FRMD5: variants seen among roughly 807,000 people sequenced by gnomAD.
The protein encoded by FRMD5 is FERM domain containing 5.
Under a neutral mutation model 69.0 loss-of-function variants are expected in FRMD5, and 20 were observed. That is an observed-to-expected ratio of 0.29 (90% CI 0.20 to 0.42). The LOEUF is 0.42. Ranked by LOEUF, FRMD5 falls within the 10% of genes least tolerant of loss-of-function variation. The pLI, the probability that FRMD5 is intolerant of heterozygous loss-of-function variation, is 1.00. For synonymous variants in FRMD5, 271 were observed against 260.1 expected, an observed-to-expected ratio of 1.04 and a Z score of -0.40; for missense variants, 595 against 708.6, an observed-to-expected ratio of 0.84 and a Z score of 1.82.
At chr15:43,893,567 G>C (rs1399564810) in intron 7 of FRMD5, among the ~76,000 whole-genome samples, 2 of 152,226 alleles carry the variant, frequency 1.3e-5, no homozygotes, top group African/African-American at 4.8e-5. Context: ...TGGAGAGGGT[G>C]TAAGTGTGTT....
rs1281679162 is a variant in FRMD5 at position 43,909,935 on chromosome 15, C to T, written c.374G>A (p.Arg125Gln). Residue 125 changes from arginine to glutamine, a missense_variant, in exon 5 of 14, where the codon CGA becomes CAA. By Grantham distance (43) the Arg-to-Gln change is conservative (BLOSUM62 1). This residue lies in a region of FRMD5 where 79 missense variants were observed against 139.9 expected (regional missense o/e 0.56). Coordinates refer to ENST00000417257, the MANE Select transcript of FRMD5 (RefSeq NM_032892.5). The stretch of plus-strand genomic sequence containing the variant: ...AGCATCCGATGTTTTACAGAGGAGT[C>T]GGCCATGGTAGAGATCCCTTTTGAT... ...LQIKRDLYHG[R>Q]LLCKTSDAAL... 2.5e-6 allele frequency: 4 copies of T among 1,612,442 alleles called. No individual in the cohort carries two copies. Among genetic ancestry groups the T allele is most frequent in the Non-Finnish European group, 2.5e-6 (3 of 1,178,920 alleles).
intron 1 of FRMD5, among the ~76,000 whole-genome samples, chr15:44,068,540 G>A (rs2140405310): frequency 6.6e-6 from 1 of 152,240 alleles, no homozygotes; most frequent in Non-Finnish European, 1.5e-5. Context: ...TCCACAATAG[G>A]CAATTTGATA....
intron 1 of FRMD5, among the ~76,000 whole-genome samples, chr15:44,000,845 A>C (rs892572920): frequency 2.0e-5 from 3 of 148,830 alleles, no homozygotes; most frequent in Admixed American, 6.7e-5. Context: ...ATAGGGTCTC[A>C]CTCTGTTGCC....
intron 1 of FRMD5, among the ~76,000 whole-genome samples, chr15:44,080,821 T>C (rs1295412034): frequency 6.6e-6 from 1 of 152,118 alleles, no homozygotes; most frequent in Non-Finnish European, 1.5e-5. Flanking sequence ...CTCAAGTCTT[T>C]CTCCAGCTGG....
chr15:44,020,051 C>G (rs956761749), intron 1 of FRMD5, among the ~76,000 whole-genome samples: 1 of 151,780 alleles, frequency 6.6e-6, no homozygotes, highest in Non-Finnish European at 1.5e-5. Context: ...TATCTATATA[C>G]GAATCCTTAT....
At chr15:44,152,955 A>T (rs532084799) in intron 1 of FRMD5, among the ~76,000 whole-genome samples, 1 of 152,354 alleles carries the variant, frequency 6.6e-6, no homozygotes, top group African/African-American at 2.4e-5. Context: ...CAATAAGCAC[A>T]TGAAAAGATG....
At chr15:44,039,877 T>C (rs932852067) in intron 1 of FRMD5, among the ~76,000 whole-genome samples, 3 of 152,026 alleles carry the variant, frequency 2.0e-5, no homozygotes, top group African/African-American at 7.2e-5. Context: ...CAAACTCCTC[T>C]GAACTAAAGG....
intron 13 of FRMD5, chr15:43,876,223 C>A (rs1668052492): frequency 1.9e-6 from 3 of 1,581,370 alleles, no homozygotes; most frequent in South Asian, 2.3e-5. Context: ...TTTCCAGAAC[C>A]ACTTTTTCCT....
At chr15:44,057,881 T>C (rs1023756887) in intron 1 of FRMD5, among the ~76,000 whole-genome samples, 11 of 152,234 alleles carry the variant, frequency 7.2e-5, no homozygotes, top group African/African-American at 2.7e-4. Flanking sequence ...TCCTTAGGAA[T>C]TAAAAACCTC....
At position 43,873,394 on chromosome 15, in the gene FRMD5, C is replaced by T; in HGVS notation, c.*491G>A. The T allele has an allele frequency of 2.1e-6, 3 of 1,442,148 alleles. No homozygotes were observed. The highest frequency in any genetic ancestry group is 2.7e-6 in the Non-Finnish European group (3 of 1,107,078). The allele number at this position is 1,442,148 out of a possible 1,614,324, so 89.3% of individuals were successfully genotyped here. A position where few individuals can be genotyped will look rare whatever the true frequency, so the allele number is the denominator to read the frequency against. The stretch of plus-strand genomic sequence containing the variant: ...CCCATTGTCCAGATCCCTGGCCTGC[C>T]CTGCTGAGGCTGCAGTGATGAGTCT... On this transcript the variant is annotated 3_prime_UTR_variant, in exon 14 of 14. Coordinates refer to ENST00000417257, the MANE Select transcript of FRMD5 (RefSeq NM_032892.5).
upstream of FRMD5, chr15:44,195,280 G>A (rs376855236): frequency 7.8e-6 from 4 of 513,712 alleles, no homozygotes; most frequent in African/African-American, 6.2e-5. Context: ...CTGTCTCCTC[G>A]GCGCCCCAGT....
At chr15:44,122,029 T>A (rs192251092) in intron 1 of FRMD5, among the ~76,000 whole-genome samples, 3 of 151,870 alleles carry the variant, frequency 2.0e-5, no homozygotes, top group Admixed American at 6.6e-5. Context: ...TAGTATACTT[T>A]TCACTGTAAC....
At chr15:44,033,095 A>G (rs1020221720) in intron 1 of FRMD5, among the ~76,000 whole-genome samples, 2 of 152,236 alleles carry the variant, frequency 1.3e-5, no homozygotes, top group East Asian at 3.8e-4. Flanking sequence ...ATTCTTAGAA[A>G]AATAACACAG....
chr15:44,140,631 C>G (rs1364014954), intron 1 of FRMD5, among the ~76,000 whole-genome samples: 1 of 152,044 alleles, frequency 6.6e-6, no homozygotes, highest in African/African-American at 2.4e-5. Flanking sequence ...GTAATCCCAG[C>G]ACTTTAGGAG....
chr15:43,999,831 CAT>C (rs1338688686), intron 1 of FRMD5, among the ~76,000 whole-genome samples: 1 of 132,368 alleles, frequency 7.6e-6, no homozygotes, highest in East Asian at 2.2e-4. Flanking sequence ...TACACACACA[CAT>C]ATACAATGGA....
intron 1 of FRMD5, among the ~76,000 whole-genome samples, chr15:44,007,579 ATTT>A (rs1191781703): frequency 7.1e-6 from 1 of 141,144 alleles, no homozygotes; most frequent in African/African-American, 2.6e-5. Context: ...AAGGCCAGAT[ATTT>A]TTATCTTTTA....
At chr15:44,199,156 C>G (rs1309157335), upstream of FRMD5, among the ~76,000 whole-genome samples, 1 of 152,182 alleles carries the variant, frequency 6.6e-6, no homozygotes, top group Non-Finnish European at 1.5e-5. Flanking sequence ...CCTCTCTTCA[C>G]CAAGACATGA....
Position 43,872,986 on chromosome 15 carries a change from C to T in FRMD5, c.*899G>A. On this transcript the variant is annotated 3_prime_UTR_variant, in exon 14 of 14. Coordinates refer to ENST00000417257, the MANE Select transcript of FRMD5 (RefSeq NM_032892.5). ...GTAACTTAACTCTGCTTTCTCTTAA[C>T]TACACTTTGTCCAACATTTCTGACA... The T allele has an allele frequency of 1.7e-6, 1 of 580,790 alleles. No homozygotes were observed. Among genetic ancestry groups the T allele is most frequent in the Non-Finnish European group, 3.0e-6 (1 of 333,950 alleles). The allele number at this position is 580,790 out of a possible 1,614,324, so 36.0% of individuals were successfully genotyped here. A position where few individuals can be genotyped will look rare whatever the true frequency, so the allele number is the denominator to read the frequency against.
rs1456244772 is a variant in FRMD5 at position 43,944,955 on chromosome 15, AT to A, written c.103-20647del. The stretch of plus-strand genomic sequence containing the variant: ...TGGGTTTCTATAAGTTTATTTATTT[AT>A]TTTTTTTTTTTTTGATAGAGGGGGG... On this transcript the variant is annotated intron_variant, in intron 1 of 13. Coordinates refer to ENST00000417257, the MANE Select transcript of FRMD5 (RefSeq NM_032892.5). Among the ~76,000 whole-genome samples, 679 of 138,804 alleles carry A rather than the reference AT, an allele frequency of 4.9e-3. 1 individual carries two copies. Among genetic ancestry groups the A allele is most frequent in the South Asian group, 0.01 (45 of 4,358 alleles). 91.1% of individuals were successfully genotyped at this position (138,804 alleles called of 152,430 possible). A position where few individuals can be genotyped will look rare whatever the true frequency, so the allele number is the denominator to read the frequency against.
Sources: gnomAD v4.1 joint callset for allele counts (sites outside exome capture counted in the v4.1 genomes callset) on GRCh38, gnomAD v4.1.1 for gene constraint, gnomAD v4.1.1 regional missense constraint, MANE v1.5 for transcripts, NCBI Gene and HGNC (gene_info 2026-07-23, HGNC 2026-07-21) for gene names.